Variants in TVP23A observed in about 807,000 individuals in gnomAD.
TVP23A encodes the protein trans-golgi network vesicle protein 23 homolog A.
A neutral mutation model predicts 31.7 loss-of-function variants in TVP23A; 21 were observed. That is an observed-to-expected ratio of 0.66 (90% CI 0.47 to 0.95). TVP23A has a LOEUF of 0.95. Ranked by LOEUF, TVP23A falls within the 40% of genes least tolerant of loss-of-function variation. The pLI is 0.00. For missense variants in TVP23A, 279 were observed against 255.6 expected (o/e 1.09, Z -0.62); for synonymous variants, 104 against 96.0 (o/e 1.08, Z -0.49).
chr16:10,776,977 G>A (rs1027136344), intron 2 of TVP23A, among the ~76,000 whole-genome samples: 2 of 152,132 alleles, frequency 1.3e-5, no homozygotes, highest in African/African-American at 4.8e-5. Flanking sequence ...TGTTTTATCA[G>A]CAAGGTCTTT....
chr16:10,801,501 G>C (rs532051995), intron 2 of TVP23A, among the ~76,000 whole-genome samples: 11 of 152,026 alleles, frequency 7.2e-5, no homozygotes, highest in Non-Finnish European at 1.2e-4. Flanking sequence ...CTGTCACCCA[G>C]GCTGGAGTGC....
chr16:10,774,006 G>C (rs199908285), intron 4 of TVP23A, 33 bp downstream of exon 4: 2 of 1,548,716 alleles, frequency 1.3e-6, no homozygotes, highest in Admixed American at 3.6e-5. Context: ...CATTATCCCC[G>C]CTCTGGTTAG....
chr16:10,802,274 GTGTGTGTGTGTA>G (rs200612206), intron 2 of TVP23A, among the ~76,000 whole-genome samples: 11,107 of 125,678 alleles, frequency 0.088, 920 homozygotes, highest in African/African-American at 0.27. Flanking sequence ...GTGTGTGTGT[GTGTGTGTGTGTA>G]TATGTGTGTG....
chr16:10,770,092 C>G (rs1397439845), intron 7 of TVP23A, among the ~76,000 whole-genome samples, 180 bp downstream of exon 7: 1 of 152,260 alleles, frequency 6.6e-6, no homozygotes, highest in Non-Finnish European at 1.5e-5. Flanking sequence ...ACGCCAAGAG[C>G]AATGAGGCTG....
At chr16:10,780,461 T>A (rs1175731093) in intron 2 of TVP23A, among the ~76,000 whole-genome samples, 1 of 152,168 alleles carries the variant, frequency 6.6e-6, no homozygotes, top group Admixed American at 6.5e-5. Flanking sequence ...AGCCTTTGTA[T>A]AAGGGCACTG....
chr16:10,793,361 G>C (rs183137743), intron 2 of TVP23A, among the ~76,000 whole-genome samples: 1 of 152,192 alleles, frequency 6.6e-6, no homozygotes, highest in African/African-American at 2.4e-5. Flanking sequence ...GTGAGCCCCA[G>C]GGACAAGTTG....
chr16:10,774,248 G>A, intron 3 of TVP23A, 120 bp from the exon 4 acceptor site: 1 of 654,784 alleles, frequency 1.5e-6, no homozygotes, highest in East Asian at 2.9e-5. Flanking sequence ...GAAGAAAAAA[G>A]GCCTTGAATT....
At chr16:10,770,479 A>G in intron 6 of TVP23A, 148 bp from the exon 7 acceptor site, 1 of 777,232 alleles carries the variant, frequency 1.3e-6, no homozygotes, top group Non-Finnish European at 2.0e-6. Flanking sequence ...TGCTGTTCAA[A>G]TTTAGGACGG....
At chr16:10,792,467 C>A (rs1248546413) in intron 2 of TVP23A, among the ~76,000 whole-genome samples, 1 of 152,180 alleles carries the variant, frequency 6.6e-6, no homozygotes, top group East Asian at 1.9e-4. Context: ...GGACCCACAA[C>A]CCCACCCCCA....
In TVP23A at chr16:10,768,070, G is replaced by C. The variant is rs776504881; in HGVS notation, c.*1032C>G. ...ATGAGTACTAAATGCAGATGCCTGT[G>C]GGGCAGGAAGCAACATAAAGGAGCC... On this transcript the variant is annotated 3_prime_UTR_variant, in exon 8 of 8. Transcript: ENST00000299866. This position sits in a 1 kb window ranked among gnomAD's most constrained non-coding sequence, Gnocchi z 4.3. The C allele has an allele frequency of 1.9e-6, 3 of 1,594,148 alleles. No homozygotes were observed. Among genetic ancestry groups the C allele is most frequent in the Non-Finnish European group, 2.6e-6 (3 of 1,162,994 alleles).
Position 10,767,487 on chromosome 16 carries a change from C to T in TVP23A, c.*1615G>A. On this transcript the variant is annotated 3_prime_UTR_variant, in exon 8 of 8. Coordinates refer to ENST00000299866, the MANE Select transcript of TVP23A (RefSeq NM_001079512.4). The surrounding 1 kb of genome is among the most constrained non-coding windows in gnomAD (Gnocchi z 4.6). Reference sequence around the variant, plus strand: ...ATGAGAGTGTGTGTATGTGTGTGCGCACACATGCAAGTGTGCACATTTATA... The same window carrying T: ...ATGAGAGTGTGTGTATGTGTGTGCGTACACATGCAAGTGTGCACATTTATA... The T allele has an allele frequency of 2.4e-6, 1 of 424,332 alleles. No individual in the cohort carries two copies. Among genetic ancestry groups the T allele is most frequent in the East Asian group, 3.4e-5 (1 of 29,238 alleles). The allele number at this position is 424,332 out of a possible 1,614,324, so 26.3% of individuals were successfully genotyped here.
chr16:10,767,275 C>T lies in TVP23A; in HGVS notation c.*1827G>A. 2.5e-6 allele frequency: 1 copy of T among 399,052 alleles called. No homozygotes were observed. The allele number at this position is 399,052 out of a possible 1,614,324, so 24.7% of individuals were successfully genotyped here. ...CCCCTTGTGTCCTGTCCACCTGGCT[C>T]TGGGATAACATGGTCCTAGAGAAAC... On this transcript the variant is annotated 3_prime_UTR_variant, in exon 8 of 8. Transcript: ENST00000299866. The surrounding 1 kb of genome is among the most constrained non-coding windows in gnomAD (Gnocchi z 4.6).
At chr16:10,785,872 G>C (rs2032723809) in intron 2 of TVP23A, among the ~76,000 whole-genome samples, 1 of 152,262 alleles carries the variant, frequency 6.6e-6, no homozygotes, top group South Asian at 2.1e-4. Flanking sequence ...CTCTTAACCT[G>C]TCTCTTCTCA....
chr16:10,798,154 T>G (rs1391361580), intron 2 of TVP23A, among the ~76,000 whole-genome samples: 1 of 151,476 alleles, frequency 6.6e-6, no homozygotes, highest in Non-Finnish European at 1.5e-5. Flanking sequence ...TAGAGACGGG[T>G]TTCACCATGT....
chr16:10,778,914 T>C (rs2032251881), intron 2 of TVP23A, among the ~76,000 whole-genome samples: 1 of 152,168 alleles, frequency 6.6e-6, no homozygotes. Context: ...TGCAGTGAGC[T>C]GAGATTGCAC....
At chr16:10,760,996 G>T, downstream of TVP23A, 1 of 195,760 alleles carries the variant, frequency 5.1e-6, no homozygotes, top group Non-Finnish European at 1.1e-5. Context: ...CATGGTGGAA[G>T]GCAAAGCAGG....
At chr16:10,769,165 C>G (rs2031332551) in intron 7 of TVP23A, 64 bp from the exon 8 acceptor site, 1 of 1,512,096 alleles carries the variant, frequency 6.6e-7, no homozygotes, top group Non-Finnish European at 9.2e-7. Flanking sequence ...GGCAGCACAT[C>G]CAGCCAGACC....
chr16:10,795,404 C>A lies in TVP23A; in HGVS notation c.90-20308G>T, dbSNP rs541234231. On this transcript the variant is annotated intron_variant, in intron 2 of 7. Transcript: ENST00000299866. ...TAGCTGGGATTACAGGCGTGCACTA[C>A]CACGCCTGGCTAATTTTTGCATTTT... 4.3e-4 allele frequency among the ~76,000 whole-genome samples: 65 copies of A among 152,144 alleles called. 1 individual carries two copies. The South Asian group carries it at 4.8e-3, about 11-fold the overall frequency.
chr16:10,774,006 G>T, intron 4 of TVP23A, 33 bp downstream of exon 4: 1 of 1,548,714 alleles, frequency 6.5e-7, no homozygotes, highest in Non-Finnish European at 8.8e-7. Context: ...CATTATCCCC[G>T]CTCTGGTTAG....
Sources: allele counts gnomAD v4.1 joint callset (sites outside exome capture counted in the v4.1 genomes callset), GRCh38; gene constraint gnomAD v4.1.1; non-coding constraint Gnocchi (gnomAD v3.1); transcripts MANE v1.5; gene names NCBI Gene and HGNC (gene_info 2026-07-23, HGNC 2026-07-21).